ALG12: variants seen among roughly 807,000 people sequenced by gnomAD.
The protein encoded by ALG12 is ALG12 alpha-1,6-mannosyltransferase.
A neutral mutation model predicts 46.0 loss-of-function variants in ALG12; 36 were observed. That is an observed-to-expected ratio of 0.78 (90% CI 0.60 to 1.03). ALG12 has a LOEUF of 1.03. Ranked by LOEUF, ALG12 falls within the 50% of genes least tolerant of loss-of-function variation. The probability of loss-of-function intolerance (pLI) is 0.00; values close to 1 mark genes in which losing one functional copy is unlikely to be tolerated. For missense variants in ALG12, 599 were observed against 633.5 expected (o/e 0.95, Z 0.58); for synonymous variants, 326 against 291.6 (o/e 1.12, Z -1.20).
chr22:49,881,813 T>A, the ALG12 span, among the ~76,000 whole-genome samples: 1 of 152,228 alleles, frequency 6.6e-6, no homozygotes, highest in South Asian at 2.1e-4. Flanking sequence ...GTTACAGGCA[T>A]GAGCCACTGT....
intron 1 of ALG12, among the ~76,000 whole-genome samples, chr22:49,916,352 G>T (rs1232647303): frequency 6.6e-6 from 1 of 152,188 alleles, no homozygotes; most frequent in Admixed American, 6.5e-5. Flanking sequence ...GGAGGCTGAG[G>T]TGGGTGGATC....
chr22:49,904,709 G>A (rs2060533729), intron 7 of ALG12: 1 of 605,688 alleles, frequency 1.7e-6, no homozygotes, highest in Non-Finnish European at 2.9e-6. Flanking sequence ...TTCTACCCAA[G>A]ATGCCAATTT....
the ALG12 span, chr22:49,883,998 G>C: frequency 1.9e-6 from 3 of 1,611,896 alleles, no homozygotes; most frequent in African/African-American, 4.0e-5. Context: ...GCCGGAACAT[G>C]AGCTCCAGGA....
the ALG12 span, chr22:49,888,047 G>A: frequency 6.0e-6 from 1 of 167,214 alleles, no homozygotes; most frequent in Non-Finnish European, 1.5e-5. Flanking sequence ...GATCAAATTT[G>A]TGTAAAATTT....
the ALG12 span, among the ~76,000 whole-genome samples, chr22:49,881,167 G>A: frequency 6.6e-6 from 1 of 151,964 alleles, no homozygotes; most frequent in African/African-American, 2.4e-5. Context: ...CCAACATGGC[G>A]AAACCCCGTC....
chr22:49,874,438 T>G, the ALG12 span, among the ~76,000 whole-genome samples: 1 of 150,862 alleles, frequency 6.6e-6, no homozygotes, highest in African/African-American at 2.4e-5. Context: ...CAGGCTGGAG[T>G]GCAGTGGTGC....
the ALG12 span, chr22:49,887,223 G>A: frequency 8.3e-6 from 13 of 1,558,008 alleles, no homozygotes; most frequent in South Asian, 1.1e-4. Context: ...CTGCCCCAGC[G>A]TTAGCAGCCT....
chr22:49,879,207 T>C, the ALG12 span, among the ~76,000 whole-genome samples: 1 of 149,048 alleles, frequency 6.7e-6, no homozygotes. Context: ...TCACTGTAAC[T>C]TGCGCCTCCC....
rs1289271197 is a variant in ALG12 at position 49,902,963 on chromosome 22, C to T, written c.*875G>A. ...GTGGTGTGTATGCATGGTGTGTGCACGTGTGCACTGTGTGCATGCGTGTGT... is the reference window on the plus strand; with the variant it reads ...GTGGTGTGTATGCATGGTGTGTGCATGTGTGCACTGTGTGCATGCGTGTGT... On this transcript the variant is annotated 3_prime_UTR_variant, in exon 10 of 10. Transcript: ENST00000330817. 6.3e-6 allele frequency: 2 copies of T among 316,852 alleles called. No individual in the cohort carries two copies. Among genetic ancestry groups the T allele is most frequent in the South Asian group, 4.9e-5 (2 of 41,134 alleles). 19.6% of individuals were successfully genotyped at this position (316,852 alleles called of 1,614,324 possible).
At chr22:49,908,202 C>T (rs1437065081) in intron 6 of ALG12, among the ~76,000 whole-genome samples, 2 of 152,192 alleles carry the variant, frequency 1.3e-5, no homozygotes, top group Non-Finnish European at 2.9e-5. Flanking sequence ...GGCCACAGGA[C>T]GTTCGGTCTC....
At chr22:49,897,593 G>T (rs903038492), downstream of ALG12, among the ~76,000 whole-genome samples, 10 of 149,658 alleles carry the variant, frequency 6.7e-5, no homozygotes, top group Admixed American at 5.4e-4. Context: ...GAGCATTTTT[G>T]TATATGCTCA....
At chr22:49,881,324 C>T in the ALG12 span, among the ~76,000 whole-genome samples, 1 of 152,238 alleles carries the variant, frequency 6.6e-6, no homozygotes, top group African/African-American at 2.4e-5. Context: ...ACACTGCAGC[C>T]TGGGCGACAG....
the ALG12 span, among the ~76,000 whole-genome samples, chr22:49,876,788 A>G: frequency 6.6e-6 from 1 of 152,152 alleles, no homozygotes; most frequent in South Asian, 2.1e-4. Flanking sequence ...ACCTCGTTCT[A>G]TTTATGGCAT....
chr22:49,902,717 G>T lies in ALG12; in HGVS notation c.*1121C>A, dbSNP rs1569172233. 9.1e-6 allele frequency: 1 copy of T among 109,930 alleles called. No homozygotes were observed. Among genetic ancestry groups the T allele is most frequent in the Non-Finnish European group, 1.8e-5 (1 of 54,056 alleles). The allele number at this position is 109,930 out of a possible 1,614,324, so 6.8% of individuals were successfully genotyped here. On this transcript the variant is annotated 3_prime_UTR_variant, in exon 10 of 10. Coordinates refer to ENST00000330817, the MANE Select transcript of ALG12 (RefSeq NM_024105.4). ...TGCATAGTGTGTGCACGTGTGCACT[G>T]TGTGTGGATGCATGGTAATGTGCAC...
At chr22:49,873,314 A>G in the ALG12 span, among the ~76,000 whole-genome samples, 1 of 152,140 alleles carries the variant, frequency 6.6e-6, no homozygotes, top group Non-Finnish European at 1.5e-5. Context: ...GCCTAATTCT[A>G]ATTTCTCGTG....
At chr22:49,878,478 C>G in the ALG12 span, among the ~76,000 whole-genome samples, 1 of 152,084 alleles carries the variant, frequency 6.6e-6, no homozygotes, top group Admixed American at 6.5e-5. Context: ...CAATTCTCAA[C>G]AAAGTTACAT....
At chr22:49,890,965 G>C in the ALG12 span, among the ~76,000 whole-genome samples, 5 of 151,898 alleles carry the variant, frequency 3.3e-5, no homozygotes, top group African/African-American at 1.2e-4. Context: ...GGGAGGCAGA[G>C]CTTGCAGCTA....
chr22:49,885,077 G>T, the ALG12 span: 1 of 1,613,100 alleles, frequency 6.2e-7, no homozygotes, highest in Non-Finnish European at 8.5e-7. Flanking sequence ...CCCATGGACA[G>T]CCTCAAGGCC....
At chr22:49,913,169 T>C (rs955311795) in intron 3 of ALG12, among the ~76,000 whole-genome samples, 23 of 152,222 alleles carry the variant, frequency 1.5e-4, no homozygotes, top group Non-Finnish European at 1.0e-4. Context: ...CCGTCACCCC[T>C]AATTTCACAG....
Sources: allele counts gnomAD v4.1 joint callset (sites outside exome capture counted in the v4.1 genomes callset), GRCh38; gene constraint gnomAD v4.1.1; transcripts MANE v1.5; gene names NCBI Gene and HGNC (gene_info 2026-07-23, HGNC 2026-07-21).